Variants in KCNMB4 observed in about 807,000 individuals in gnomAD.
KCNMB4 encodes calcium-activated potassium channel subunit beta-4.
In KCNMB4, 3 loss-of-function variants were observed where a neutral mutation model predicts 20.7. The observed-to-expected ratio is 0.14, with a 90% CI of 0.07 to 0.37. The LOEUF (loss-of-function observed/expected upper bound fraction) is 0.37, where lower values mean the gene tolerates loss of function less well. KCNMB4 is among the 10% of genes least tolerant of loss of function. The pLI is 1.00. For missense variants in KCNMB4, 168 were observed against 265.9 expected (o/e 0.63, Z 2.56); for synonymous variants, 110 against 113.4 (o/e 0.97, Z 0.19).
chr12:70,422,191 C>A (rs533452555), intron 2 of KCNMB4, among the ~76,000 whole-genome samples: 3 of 152,144 alleles, frequency 2.0e-5, no homozygotes, highest in Non-Finnish European at 4.4e-5. Context: ...CTTCTTGTCT[C>A]CAGTTTATTT....
chr12:70,366,613 C>G lies in KCNMB4; in HGVS notation c.-122C>G, dbSNP rs1239530867. 3.1e-6 allele frequency: 2 copies of G among 638,440 alleles called. No individual in the cohort carries two copies. The highest frequency in any genetic ancestry group is 4.3e-6 in the Non-Finnish European group (2 of 464,902). 39.5% of individuals were successfully genotyped at this position (638,440 alleles called of 1,614,324 possible). A position where few individuals can be genotyped will look rare whatever the true frequency, so the allele number is the denominator to read the frequency against. On this transcript the variant is annotated 5_prime_UTR_variant, in exon 1 of 3. Transcript: ENST00000258111. ...CGCGCGCTCCCCCTCGCCGCCCACT[C>G]CCCTGCTGTCGCGCGGCGGCGGCGG...
chr12:70,386,208 C>T (rs1868254934), intron 1 of KCNMB4, among the ~76,000 whole-genome samples: 1 of 152,114 alleles, frequency 6.6e-6, no homozygotes, highest in Non-Finnish European at 1.5e-5. Flanking sequence ...CATACCTCAT[C>T]TTGTAAGTCT....
intron 1 of KCNMB4, among the ~76,000 whole-genome samples, chr12:70,382,167 C>T (rs2453505): frequency 0.2 from 29,766 of 151,852 alleles, 5,080 homozygotes; most frequent in African/African-American, 0.46. Context: ...TAAAGGTGGC[C>T]GGGCGCGGTG....
intron 1 of KCNMB4, among the ~76,000 whole-genome samples, chr12:70,376,356 G>A (rs1883686909): frequency 6.6e-6 from 1 of 151,722 alleles, no homozygotes; most frequent in African/African-American, 2.4e-5. Flanking sequence ...GGGCAGTTAA[G>A]CAAGAAAAAG....
At chr12:70,412,806 T>C (rs557339846) in intron 2 of KCNMB4, among the ~76,000 whole-genome samples, 1 of 152,322 alleles carries the variant, frequency 6.6e-6, no homozygotes, top group East Asian at 1.9e-4. Context: ...TACTAAATAC[T>C]GTGTTTGATA....
chr12:70,398,683 A>G (rs561579587), intron 1 of KCNMB4, among the ~76,000 whole-genome samples: 6 of 152,358 alleles, frequency 3.9e-5, no homozygotes, highest in African/African-American at 1.4e-4. Context: ...CTTGAATAAA[A>G]ATGTATCCGT....
At chr12:70,398,818 G>A (rs1287693687) in intron 1 of KCNMB4, among the ~76,000 whole-genome samples, 1 of 152,200 alleles carries the variant, frequency 6.6e-6, no homozygotes, top group Non-Finnish European at 1.5e-5. Context: ...AAATTGGGAA[G>A]GCTGACATAA....
intron 2 of KCNMB4, among the ~76,000 whole-genome samples, chr12:70,406,853 G>T (rs1468846327): frequency 6.6e-6 from 1 of 152,162 alleles, no homozygotes; most frequent in Admixed American, 6.5e-5. Context: ...GAAGTGTGAG[G>T]TCTACCTAAA....
intron 1 of KCNMB4, among the ~76,000 whole-genome samples, chr12:70,370,528 G>A (rs1248086285): frequency 3.3e-5 from 5 of 151,812 alleles, no homozygotes; most frequent in Admixed American, 1.3e-4. Context: ...GGATGGTCTC[G>A]ATCTCCTGAC....
At chr12:70,417,519 G>T (rs1415727485) in intron 2 of KCNMB4, among the ~76,000 whole-genome samples, 1 of 152,156 alleles carries the variant, frequency 6.6e-6, no homozygotes, top group Admixed American at 6.5e-5. Context: ...AAGAAGAACA[G>T]TAATGACAGA....
intron 2 of KCNMB4, among the ~76,000 whole-genome samples, chr12:70,426,381 T>G (rs1042348683): frequency 3.9e-5 from 6 of 152,194 alleles, no homozygotes; most frequent in Admixed American, 2.6e-4. Context: ...AGCATTGCAT[T>G]TCATATTTCA....
chr12:70,390,873 C>T (rs1000521530), intron 1 of KCNMB4, among the ~76,000 whole-genome samples: 2 of 152,160 alleles, frequency 1.3e-5, no homozygotes, highest in Non-Finnish European at 2.9e-5. Flanking sequence ...CACAGGTGTA[C>T]TTAGAGTCCC....
At chr12:70,427,469 A>G (rs1007985525) in intron 2 of KCNMB4, among the ~76,000 whole-genome samples, 7 of 152,232 alleles carry the variant, frequency 4.6e-5, no homozygotes, top group Non-Finnish European at 8.8e-5. Flanking sequence ...GGAAACGGAC[A>G]TGAATTATTT....
At chr12:70,405,929 T>C (rs1268518393) in intron 2 of KCNMB4, among the ~76,000 whole-genome samples, 1 of 152,106 alleles carries the variant, frequency 6.6e-6, no homozygotes, top group East Asian at 1.9e-4. Context: ...GTACATACAA[T>C]GGAAGTGTTC....
intron 2 of KCNMB4, among the ~76,000 whole-genome samples, chr12:70,428,697 C>T (rs564973218): frequency 6.6e-6 from 1 of 152,172 alleles, no homozygotes; most frequent in South Asian, 2.1e-4. Context: ...GAGGCAGGCT[C>T]CTCTTTCTCA....
Position 70,430,765 on chromosome 12 carries a change from CT to C in KCNMB4, c.*113del. On this transcript the variant is annotated 3_prime_UTR_variant, in exon 3 of 3. Transcript: ENST00000258111. ...GGAGATGGACAGGGCCACGACAGGG[CT>C]CTGAGAGGCTCATCCCTCAGTGGCA... 1.0e-6 allele frequency: 1 copy of C among 1,003,900 alleles called. No homozygotes were observed. The allele number at this position is 1,003,900 out of a possible 1,614,324, so 62.2% of individuals were successfully genotyped here.
chr12:70,368,982 C>G (rs796237573), intron 1 of KCNMB4, among the ~76,000 whole-genome samples: 2 of 152,160 alleles, frequency 1.3e-5, no homozygotes, highest in Non-Finnish European at 1.5e-5. Context: ...TTCTTTATCT[C>G]TCTCTCCCCT....
At chr12:70,400,101 G>T in intron 1 of KCNMB4, 108 bp from the exon 2 acceptor site, 1 of 808,942 alleles carries the variant, frequency 1.2e-6, no homozygotes. Flanking sequence ...AATTAGGGAG[G>T]CCTAAATTAG....
intron 2 of KCNMB4, among the ~76,000 whole-genome samples, chr12:70,422,255 A>G (rs902444060): frequency 1.3e-5 from 2 of 152,234 alleles, no homozygotes; most frequent in Admixed American, 6.5e-5. Context: ...ATAGTCCTCT[A>G]TGAAATAAAT....
Sources: gnomAD v4.1 joint callset for allele counts (sites outside exome capture counted in the v4.1 genomes callset) on GRCh38, gnomAD v4.1.1 for gene constraint, MANE v1.5 for transcripts, NCBI Gene and HGNC (gene_info 2026-07-23, HGNC 2026-07-21) for gene names.